Variants in SIAH2 observed in about 807,000 individuals in gnomAD.
SIAH2 encodes siah E3 ubiquitin protein ligase 2, also known as E3 ubiquitin-protein ligase SIAH2.
In SIAH2, 4 loss-of-function variants were observed where a neutral mutation model predicts 20.4. That is an observed-to-expected ratio of 0.20 (90% CI 0.10 to 0.45). The LOEUF (loss-of-function observed/expected upper bound fraction) is 0.45, where lower values mean the gene tolerates loss of function less well. Ranked by LOEUF, SIAH2 falls within the 20% of genes least tolerant of loss-of-function variation. SIAH2 has a pLI of 0.99. For missense variants in SIAH2, 259 were observed against 440.3 expected (o/e 0.59, Z 3.69); for synonymous variants, 171 against 192.5 (o/e 0.89, Z 0.93).
At chr3:150,749,390 G>A (rs919134072) in intron 1 of SIAH2, among the ~76,000 whole-genome samples, 4 of 151,556 alleles carry the variant, frequency 2.6e-5, no homozygotes, top group African/African-American at 9.7e-5. Context: ...GTGTAGTCCC[G>A]GCTACTAGGA....
rs1245935345 is a variant in SIAH2, at chr3:150,762,646, G to C, written c.204C>G (p.Ser68=). The change falls in exon 1 of 2, where the codon TCC becomes TCG. Residue 68 remains serine, a synonymous_variant. Transcript: ENST00000312960. The surrounding 1 kb of genome is among the most constrained non-coding windows in gnomAD (Gnocchi z 6.6). ...PGGGGGAGPV[S]PQHHELTSLF... The stretch of plus-strand genomic sequence containing the variant: ...GCGAGGTCAGCTCGTGGTGCTGCGG[G>C]GACACCGGGCCGGCCCCGCCGCCGC... The C allele has an allele frequency of 1.7e-5, 26 of 1,561,414 alleles. No individual in the cohort carries two copies. Among genetic ancestry groups the C allele is most frequent in the Non-Finnish European group, 2.2e-5 (26 of 1,158,516 alleles).
intron 1 of SIAH2, among the ~76,000 whole-genome samples, chr3:150,755,322 C>CTTTTTT (rs386398232): frequency 3.7e-5 from 3 of 80,136 alleles, no homozygotes; most frequent in African/African-American, 5.2e-5. Context: ...CTTTTCTTCC[C>CTTTTTT]TTTTTTTTTT....
rs1423925398 is a variant in SIAH2 at position 150,762,246 on chromosome 3, C to A, written c.417+187G>T. On this transcript the variant is annotated intron_variant, in intron 1 of 1. Transcript: ENST00000312960. This position sits in a 1 kb window ranked among gnomAD's most constrained non-coding sequence, Gnocchi z 6.6. ...TAATTGTCTATTAACAATTATTACT[C>A]GGTAAATGTCAACCCAGACCTACAC... 8.5e-7 allele frequency: 1 copy of A among 1,170,404 alleles called. No individual in the cohort carries two copies. Among genetic ancestry groups the A allele is most frequent in the Non-Finnish European group, 1.2e-6 (1 of 861,620 alleles). 72.5% of individuals were successfully genotyped at this position (1,170,404 alleles called of 1,614,324 possible). A position where few individuals can be genotyped will look rare whatever the true frequency, so the allele number is the denominator to read the frequency against.
At chr3:150,747,956 C>T (rs1714262068) in intron 1 of SIAH2, among the ~76,000 whole-genome samples, 1 of 128,514 alleles carries the variant, frequency 7.8e-6, no homozygotes, top group Non-Finnish European at 1.5e-5. Flanking sequence ...AGGAGCGAAA[C>T]GCCATCTCAA....
intron 1 of SIAH2, among the ~76,000 whole-genome samples, chr3:150,758,661 C>A (rs1321454158): frequency 6.6e-6 from 1 of 151,126 alleles, no homozygotes; most frequent in East Asian, 1.9e-4. Context: ...ACCTCCACCT[C>A]CTGGGTTCAA....
intron 1 of SIAH2, among the ~76,000 whole-genome samples, chr3:150,761,444 T>C (rs1714607389): frequency 6.6e-6 from 1 of 152,172 alleles, no homozygotes; most frequent in South Asian, 2.1e-4. Context: ...CATAGAGAAA[T>C]ATGTGTGATA....
At chr3:150,744,013 T>TAA (rs112528632) in intron 1 of SIAH2, among the ~76,000 whole-genome samples, 4 of 134,522 alleles carry the variant, frequency 3.0e-5, no homozygotes, top group Admixed American at 7.5e-5. Context: ...GTCCAGTTGC[T>TAA]AAAAAAAAAA....
chr3:150,747,818 G>A (rs963035296), intron 1 of SIAH2, among the ~76,000 whole-genome samples: 1 of 151,804 alleles, frequency 6.6e-6, no homozygotes, highest in African/African-American at 2.4e-5. Flanking sequence ...AAAAAAATTA[G>A]CCGGTTGTGG....
chr3:150,745,249 AC>A (rs1714184593), intron 1 of SIAH2, among the ~76,000 whole-genome samples: 2 of 146,344 alleles, frequency 1.4e-5, no homozygotes, highest in African/African-American at 5.4e-5. Context: ...CTACACACAC[AC>A]ACACACACAC....
intron 1 of SIAH2, among the ~76,000 whole-genome samples, chr3:150,755,050 C>T (rs1212261103): frequency 6.6e-6 from 1 of 152,000 alleles, no homozygotes; most frequent in African/African-American, 2.4e-5. Context: ...TTATTTAGTG[C>T]CTGGGCTGTG....
At chr3:150,751,273 A>G (rs1282299955) in intron 1 of SIAH2, among the ~76,000 whole-genome samples, 2 of 152,106 alleles carry the variant, frequency 1.3e-5, no homozygotes, top group Admixed American at 1.3e-4. Context: ...CTCTACTACA[A>G]TACAAAAGAA....
chr3:150,743,277 G>T (rs1714137950), intron 1 of SIAH2, among the ~76,000 whole-genome samples: 1 of 152,242 alleles, frequency 6.6e-6, no homozygotes, highest in South Asian at 2.1e-4. Context: ...GGCAGCGGAG[G>T]CCTGGAGACC....
At position 150,741,329 on chromosome 3, in the gene SIAH2, A is replaced by C. The variant is rs1412799181; in HGVS notation, c.*812T>G. ...CGGGTCATCTGTACTAGTGGTGAGC[A>C]AAACTAATTACATGAGAACTATCAA... On this transcript the variant is annotated 3_prime_UTR_variant, in exon 2 of 2. Transcript: ENST00000312960. 1 of 152,638 alleles carries C rather than the reference A, an allele frequency of 6.6e-6. No individual in the cohort carries two copies. The highest frequency in any genetic ancestry group is 1.5e-5 in the Non-Finnish European group (1 of 68,036). 9.5% of individuals were successfully genotyped at this position (152,638 alleles called of 1,614,324 possible).
At chr3:150,750,734 C>T (rs1714339276) in intron 1 of SIAH2, among the ~76,000 whole-genome samples, 1 of 152,074 alleles carries the variant, frequency 6.6e-6, no homozygotes, top group African/African-American at 2.4e-5. Context: ...AGGTTTATAG[C>T]CTTTCTGAGA....
Position 150,763,038 on chromosome 3 carries a change from C to G in SIAH2, c.-189G>C, listed in dbSNP as rs1353720319. 1.9e-6 allele frequency: 1 copy of G among 518,348 alleles called. No homozygotes were observed. The highest frequency in any genetic ancestry group is 2.6e-6 in the Non-Finnish European group (1 of 389,612). The allele number at this position is 518,348 out of a possible 1,614,324, so 32.1% of individuals were successfully genotyped here. ...GACCGCGCTGATGCACTCCGCAGCC[C>G]CCGGCGTTCCGAGCACGCCTCCGCG... On this transcript the variant is annotated 5_prime_UTR_variant, in exon 1 of 2. Coordinates refer to ENST00000312960, the MANE Select transcript of SIAH2 (RefSeq NM_005067.7). The surrounding 1 kb of genome is among the most constrained non-coding windows in gnomAD (Gnocchi z 4.1).
chr3:150,744,256 G>A (rs1263768055), intron 1 of SIAH2, among the ~76,000 whole-genome samples: 1 of 152,104 alleles, frequency 6.6e-6, no homozygotes, highest in Non-Finnish European at 1.5e-5. Flanking sequence ...TCCCCTAATC[G>A]GAAAGGAGAG....
At chr3:150,743,912 G>A (rs140254899) in intron 1 of SIAH2, among the ~76,000 whole-genome samples, 109 of 151,892 alleles carry the variant, frequency 7.2e-4, no homozygotes, top group African/African-American at 2.5e-3. Context: ...CAGGGGAACT[G>A]TCTGGCTAAC....
intron 1 of SIAH2, among the ~76,000 whole-genome samples, chr3:150,750,897 A>G (rs1714342476): frequency 6.6e-6 from 1 of 152,208 alleles, no homozygotes; most frequent in African/African-American, 2.4e-5. Context: ...CAAATCACCT[A>G]TGAGTGGGTC....
At chr3:150,752,288 CA>C (rs1044770151) in intron 1 of SIAH2, among the ~76,000 whole-genome samples, 1 of 152,204 alleles carries the variant, frequency 6.6e-6, no homozygotes, top group African/African-American at 2.4e-5. Flanking sequence ...CTGAATTCAC[CA>C]AAAGACTTAA....
Sources: gnomAD v4.1 joint callset for allele counts (sites outside exome capture counted in the v4.1 genomes callset) on GRCh38, gnomAD v4.1.1 for gene constraint, Gnocchi (gnomAD v3.1) non-coding constraint, MANE v1.5 for transcripts, NCBI Gene and HGNC (gene_info 2026-07-23, HGNC 2026-07-21) for gene names.